CDK14: variants seen among roughly 807,000 people sequenced by gnomAD.
CDK14 encodes cyclin-dependent kinase 14.
Under a neutral mutation model 60.7 loss-of-function variants are expected in CDK14, and 34 were observed. That is an observed-to-expected ratio of 0.56 (90% CI 0.43 to 0.75). CDK14 has a LOEUF of 0.75. CDK14 is among the 30% of genes least tolerant of loss of function. The pLI is 0.00. For missense variants in CDK14, 482 were observed against 564.1 expected (o/e 0.85, Z 1.47); for synonymous variants, 197 against 203.7 (o/e 0.97, Z 0.28).
Position 91,175,758 on chromosome 7 carries a change from A to G in CDK14, c.*29-31407A>G, listed in dbSNP as rs1336542065. Among the ~76,000 whole-genome samples, 306 of 148,544 alleles carry G rather than the reference A, an allele frequency of 2.1e-3. 2 individuals carry two copies. Among genetic ancestry groups the G allele is most frequent in the African/African-American group, 7.2e-3 (292 of 40,572 alleles). On this transcript the variant is annotated intron_variant, in intron 14 of 14. Coordinates refer to ENST00000380050, the MANE Select transcript of CDK14 (RefSeq NM_001287135.2). The stretch of plus-strand genomic sequence containing the variant: ...GGGATCAATTCAACAAGAAGAGCTA[A>G]CTATCCTAAATATATATGCACCCAA...
chr7:91,158,729 G>T (rs1353225188), intron 14 of CDK14, among the ~76,000 whole-genome samples: 1 of 152,130 alleles, frequency 6.6e-6, no homozygotes, highest in East Asian at 1.9e-4. Context: ...GTGAGTAAGT[G>T]GTCCCTCTAC....
intron 8 of CDK14, among the ~76,000 whole-genome samples, chr7:90,925,032 G>GT (rs1793373162): frequency 1.3e-5 from 2 of 152,054 alleles, no homozygotes; most frequent in Non-Finnish European, 2.9e-5. Flanking sequence ...TTCAATACAT[G>GT]TCTGAAAAAC....
rs80217240 is a variant in CDK14, at chr7:90,709,890, A to T, written c.124-16677A>T. On this transcript the variant is annotated intron_variant, in intron 2 of 14. Transcript: ENST00000380050. Reference sequence around the variant, plus strand: ...TGCTGTATGAGCCTGGCCTGGTGCAAACACATTGCTAGAGACATGTTAAAG... The same window carrying T: ...TGCTGTATGAGCCTGGCCTGGTGCATACACATTGCTAGAGACATGTTAAAG... The T allele has an allele frequency of 2.1e-3, 2,712 of 1,303,430 alleles. 60 individuals are homozygous for T. The African/African-American group carries it at 0.038, about 18-fold the overall frequency. The allele number at this position is 1,303,430 out of a possible 1,614,324, so 80.7% of individuals were successfully genotyped here. A position where few individuals can be genotyped will look rare whatever the true frequency, so the allele number is the denominator to read the frequency against.
chr7:91,126,597 C>T (rs1244914060), intron 14 of CDK14, among the ~76,000 whole-genome samples: 1 of 152,048 alleles, frequency 6.6e-6, no homozygotes, highest in East Asian at 1.9e-4. Flanking sequence ...ATTTTCTCTA[C>T]GTAAGATGGG....
At chr7:91,176,271 G>T (rs573966535) in intron 14 of CDK14, among the ~76,000 whole-genome samples, 1 of 152,282 alleles carries the variant, frequency 6.6e-6, no homozygotes, top group South Asian at 2.1e-4. Flanking sequence ...CGAGAGCAAA[G>T]ACACAACATA....
rs535819778 is a variant in CDK14, at chr7:90,986,880, T to A, written c.1041+2639T>A. Among the ~76,000 whole-genome samples the A allele has an allele frequency of 2.0e-5, 3 of 151,978 alleles. 1 individual carries two copies. Among genetic ancestry groups the A allele is most frequent in the Non-Finnish European group, 4.4e-5 (3 of 67,860 alleles). On this transcript the variant is annotated intron_variant, in intron 10 of 14. Coordinates refer to ENST00000380050, the MANE Select transcript of CDK14 (RefSeq NM_001287135.2). ...AACAACAATAATGTAACTTGTCAAA[T>A]TACTGATTTATGGTAGAATTATTAC...
At chr7:91,000,855 G>T (rs1016275268) in intron 10 of CDK14, among the ~76,000 whole-genome samples, 1 of 152,150 alleles carries the variant, frequency 6.6e-6, no homozygotes, top group Admixed American at 6.5e-5. Context: ...TAACTAAGAG[G>T]ATTACACATT....
intron 6 of CDK14, among the ~76,000 whole-genome samples, chr7:90,868,657 A>G (rs1021273457): frequency 5.3e-5 from 8 of 152,190 alleles, no homozygotes; most frequent in African/African-American, 1.9e-4. Flanking sequence ...AGAAATCATA[A>G]AGCCCATAAA....
chr7:90,955,746 G>A lies in CDK14; in HGVS notation c.876G>A (p.Val292=), dbSNP rs1442107981. 2.5e-6 allele frequency: 4 copies of A among 1,613,298 alleles called. No homozygotes were observed. In the Admixed American group the frequency reaches 5.0e-5, roughly 20 times the overall value. ...SVPSHTYSNE[V]VTLWYRPPDV... ...CTAGCCACACATACTCCAACGAAGT[G>A]GTTACCTTGTGGTACAGACCTCCAG... Residue 292 remains valine, a synonymous_variant, in exon 9 of 15, where the codon GTG becomes GTA. Coordinates refer to ENST00000380050, the MANE Select transcript of CDK14 (RefSeq NM_001287135.2).
At chr7:90,742,325 T>G (rs1803379316) in intron 3 of CDK14, among the ~76,000 whole-genome samples, 3 of 152,062 alleles carry the variant, frequency 2.0e-5, no homozygotes, top group African/African-American at 7.2e-5. Flanking sequence ...TAATTTTTTC[T>G]AGAAAGTATG....
At chr7:91,173,314 T>G (rs908775635) in intron 14 of CDK14, among the ~76,000 whole-genome samples, 1 of 152,118 alleles carries the variant, frequency 6.6e-6, no homozygotes, top group Non-Finnish European at 1.5e-5. Context: ...AGTCCAGTTT[T>G]GGGGTGCGAT....
At chr7:90,832,283 GAGTAATCTTCTGTAGA>G (rs1341322639) in intron 5 of CDK14, among the ~76,000 whole-genome samples, 1 of 152,124 alleles carries the variant, frequency 6.6e-6, no homozygotes, top group East Asian at 1.9e-4. Context: ...ACACTTGTAG[GAGTAATCTTCTGTAGA>G]AGTAATCTTC....
At chr7:90,619,007 A>T (rs1364209214) in intron 2 of CDK14, among the ~76,000 whole-genome samples, 1 of 152,204 alleles carries the variant, frequency 6.6e-6, no homozygotes, top group African/African-American at 2.4e-5. Context: ...ATTTACTTTT[A>T]AAATGAATGT....
chr7:90,870,429 A>T (rs746819225), intron 6 of CDK14, among the ~76,000 whole-genome samples: 8 of 152,216 alleles, frequency 5.3e-5, no homozygotes, highest in Non-Finnish European at 8.8e-5. Flanking sequence ...TAATTTGTAT[A>T]GCAAACCCCC....
At chr7:91,169,322 C>T (rs923114359) in intron 14 of CDK14, among the ~76,000 whole-genome samples, 1 of 152,216 alleles carries the variant, frequency 6.6e-6, no homozygotes, top group African/African-American at 2.4e-5. Flanking sequence ...AACAGAGCAG[C>T]TGGGCTGCCC....
chr7:90,789,192 G>C (rs1355774503), intron 4 of CDK14, among the ~76,000 whole-genome samples: 2 of 152,124 alleles, frequency 1.3e-5, no homozygotes, highest in African/African-American at 4.8e-5. Flanking sequence ...AGAGGACTGG[G>C]ATTAAACTTA....
intron 2 of CDK14, among the ~76,000 whole-genome samples, chr7:90,723,375 G>C (rs1239112164): frequency 1.3e-5 from 2 of 152,160 alleles, no homozygotes; most frequent in Non-Finnish European, 2.9e-5. Flanking sequence ...GCAGGAAGCT[G>C]GAACTGTGGT....
chr7:90,626,429 C>T (rs1000601721), intron 2 of CDK14, among the ~76,000 whole-genome samples: 1 of 152,150 alleles, frequency 6.6e-6, no homozygotes. Flanking sequence ...CTGCCAAGCA[C>T]CTCTTTTTGT....
intron 4 of CDK14, among the ~76,000 whole-genome samples, chr7:90,776,151 T>C (rs574354313): frequency 1.5e-4 from 23 of 152,336 alleles, no homozygotes; most frequent in African/African-American, 4.6e-4. Context: ...ATTTTTCCTG[T>C]GCTTTGCCTT....
Sources: allele counts gnomAD v4.1 joint callset (sites outside exome capture counted in the v4.1 genomes callset), GRCh38; gene constraint gnomAD v4.1.1; transcripts MANE v1.5; gene names NCBI Gene and HGNC (gene_info 2026-07-23, HGNC 2026-07-21).